Variants in LIMS1 observed in about 807,000 individuals in gnomAD.
LIMS1 encodes the protein LIM zinc finger domain containing 1, also known as LIM and senescent cell antigen-like-containing domain protein 1.
In LIMS1, 18 loss-of-function variants were observed where a neutral mutation model predicts 44.1. The ratio of observed to expected loss-of-function variants is 0.41; its 90% CI spans 0.28 to 0.61. LIMS1 has a LOEUF of 0.61. Among genes scored for constraint, LIMS1 ranks in the 20% least tolerant of loss-of-function variants. The probability of loss-of-function intolerance (pLI) is 0.32; values close to 1 mark genes in which losing one functional copy is unlikely to be tolerated. For synonymous variants in LIMS1, 93 were observed against 149.1 expected, an observed-to-expected ratio of 0.62 and a Z score of 2.74; for missense variants, 201 against 422.0, an observed-to-expected ratio of 0.48 and a Z score of 4.59.
intron 1 of LIMS1, among the ~76,000 whole-genome samples, chr2:108,653,963 G>A (rs1573563191): frequency 1.4e-5 from 2 of 145,358 alleles, no homozygotes; most frequent in South Asian, 4.7e-4. Flanking sequence ...ACATTTTTAC[G>A]TGAACAATAG....
At chr2:108,664,118 C>T (rs1374289280) in intron 2 of LIMS1, among the ~76,000 whole-genome samples, 3 of 152,138 alleles carry the variant, frequency 2.0e-5, no homozygotes, top group African/African-American at 4.8e-5. Flanking sequence ...TTTCTTCACT[C>T]ATTTACTCTG....
chr2:108,547,360 G>A (rs1277753033), intron 1 of LIMS1, among the ~76,000 whole-genome samples: 1 of 152,186 alleles, frequency 6.6e-6, no homozygotes, highest in Non-Finnish European at 1.5e-5. Context: ...AGAACATGAT[G>A]CTTAGTGTCT....
At chr2:108,550,503 A>T (rs1360320708) in intron 1 of LIMS1, among the ~76,000 whole-genome samples, 7 of 149,314 alleles carry the variant, frequency 4.7e-5, no homozygotes, top group African/African-American at 1.5e-4. Context: ...CATCTCAAAA[A>T]AATAATAATA....
intron 1 of LIMS1, among the ~76,000 whole-genome samples, chr2:108,637,264 C>T (rs976284149): frequency 4.0e-4 from 61 of 152,100 alleles, no homozygotes; most frequent in African/African-American, 1.4e-3. Flanking sequence ...AAGATATGTA[C>T]ATTTGAATTT....
chr2:108,601,246 G>T (rs1206520243), intron 1 of LIMS1, among the ~76,000 whole-genome samples: 1 of 151,744 alleles, frequency 6.6e-6, no homozygotes, highest in Admixed American at 6.6e-5. Flanking sequence ...GAAGGGAAAA[G>T]ATATATATAT....
intron 1 of LIMS1, among the ~76,000 whole-genome samples, chr2:108,595,569 C>G (rs571216695): frequency 6.6e-6 from 1 of 152,182 alleles, no homozygotes; most frequent in South Asian, 2.1e-4. Context: ...ACTTTGTTGC[C>G]TTTGTCCCAC....
intron 1 of LIMS1, among the ~76,000 whole-genome samples, chr2:108,538,541 C>T (rs935203343): frequency 2.0e-5 from 3 of 152,134 alleles, no homozygotes; most frequent in Admixed American, 6.5e-5. Flanking sequence ...CATCAGCACA[C>T]CAGGAATCCA....
intron 2 of LIMS1, among the ~76,000 whole-genome samples, chr2:108,663,181 C>A (rs1691494103): frequency 1.3e-5 from 2 of 152,206 alleles, no homozygotes; most frequent in Middle Eastern, 6.8e-3. Context: ...TGCAGTGGCA[C>A]AATCATGGCT....
At chr2:108,544,533 G>T (rs1432209705) in intron 1 of LIMS1, among the ~76,000 whole-genome samples, 1 of 152,224 alleles carries the variant, frequency 6.6e-6, no homozygotes, top group South Asian at 2.1e-4. Context: ...TTTTTGCTCT[G>T]TTGTCCAGGC....
At chr2:108,625,119 T>C (rs1045254691) in intron 1 of LIMS1, among the ~76,000 whole-genome samples, 6 of 152,258 alleles carry the variant, frequency 3.9e-5, no homozygotes, top group Admixed American at 3.3e-4. Context: ...GGTGAACTTA[T>C]GACCCTCAGG....
At chr2:108,573,108 A>C (rs374189806) in intron 1 of LIMS1, among the ~76,000 whole-genome samples, 2 of 152,344 alleles carry the variant, frequency 1.3e-5, no homozygotes, top group African/African-American at 4.8e-5. Flanking sequence ...AAAAAAGGTC[A>C]TATGAATGCA....
At chr2:108,582,071 C>T (rs1317572092) in intron 1 of LIMS1, among the ~76,000 whole-genome samples, 1 of 152,160 alleles carries the variant, frequency 6.6e-6, no homozygotes, top group Non-Finnish European at 1.5e-5. Context: ...AATTTAGTTA[C>T]AGTGCTTTAG....
intron 1 of LIMS1, among the ~76,000 whole-genome samples, chr2:108,658,800 G>A (rs1215213352): frequency 2.6e-5 from 4 of 152,312 alleles, no homozygotes; most frequent in African/African-American, 9.6e-5. Flanking sequence ...GAAACGTGGT[G>A]GTATCCCTGT....
chr2:108,607,343 T>C (rs1225562893), intron 1 of LIMS1: 16 of 1,252,348 alleles, frequency 1.3e-5, no homozygotes, highest in Non-Finnish European at 1.5e-5. Context: ...GTCTGGTATC[T>C]TCATCACATA....
chr2:108,547,451 C>A (rs536102331), intron 1 of LIMS1, among the ~76,000 whole-genome samples: 2 of 152,194 alleles, frequency 1.3e-5, no homozygotes, highest in South Asian at 4.1e-4. Context: ...CATAGCTGGG[C>A]CCACAACACA....
intron 1 of LIMS1, among the ~76,000 whole-genome samples, chr2:108,613,968 T>TA (rs1687798772): frequency 6.6e-6 from 1 of 152,060 alleles, no homozygotes; most frequent in African/African-American, 2.4e-5. Flanking sequence ...ATATGGTTGA[T>TA]ACCAGTGTCC....
intron 1 of LIMS1, among the ~76,000 whole-genome samples, chr2:108,587,061 G>T (rs1329025510): frequency 6.6e-6 from 1 of 152,192 alleles, no homozygotes; most frequent in Non-Finnish European, 1.5e-5. Flanking sequence ...GGTGAAGCCT[G>T]TGAGGTTCCC....
intron 3 of LIMS1, among the ~76,000 whole-genome samples, chr2:108,671,227 G>C (rs1396544373): frequency 6.6e-6 from 1 of 151,904 alleles, no homozygotes; most frequent in Non-Finnish European, 1.5e-5. Flanking sequence ...GTGAAGTATC[G>C]ATGGTAAAAA....
At chr2:108,619,658 T>G (rs1688130457) in intron 1 of LIMS1, among the ~76,000 whole-genome samples, 1 of 152,184 alleles carries the variant, frequency 6.6e-6, no homozygotes, top group Non-Finnish European at 1.5e-5. Flanking sequence ...CACTCTAGCC[T>G]GGGTGACAGA....
Sources: allele counts gnomAD v4.1 joint callset (sites outside exome capture counted in the v4.1 genomes callset), GRCh38; gene constraint gnomAD v4.1.1; transcripts MANE v1.5; gene names NCBI Gene and HGNC (gene_info 2026-07-23, HGNC 2026-07-21).